The following CHLSN variants were observed in gnomAD, a reference collection of about 807,000 sequenced individuals.
CHLSN encodes the protein cholesin.
the CHLSN span, among the ~76,000 whole-genome samples, chr7:1,035,205 G>A: frequency 4.6e-5 from 7 of 151,296 alleles, no homozygotes; most frequent in East Asian, 1.4e-3. Context: ...AACAGTGCTG[G>A]GCTGGTGTCA....
the CHLSN span, among the ~76,000 whole-genome samples, chr7:979,974 A>G: frequency 6.6e-6 from 1 of 152,220 alleles, no homozygotes; most frequent in Non-Finnish European, 1.5e-5. Flanking sequence ...CGTCCCGTGA[A>G]ACTCCACTGG....
At chr7:1,033,620 G>A in the CHLSN span, among the ~76,000 whole-genome samples, 2 of 151,996 alleles carry the variant, frequency 1.3e-5, no homozygotes, top group Admixed American at 6.6e-5. Flanking sequence ...GAAGAAATAC[G>A]ACGTGGTCAA....
chr7:1,070,371 C>T, the CHLSN span, among the ~76,000 whole-genome samples: 5 of 128,688 alleles, frequency 3.9e-5, 1 homozygote, highest in South Asian at 2.6e-4. Context: ...GTCAGCCCCC[C>T]GCCCGGCCAG....
the CHLSN span, chr7:1,056,112 T>C: frequency 6.5e-6 from 1 of 153,562 alleles, no homozygotes; most frequent in Non-Finnish European, 1.4e-5. Flanking sequence ...AGGTGCATCC[T>C]GTCTGGAGCT....
the CHLSN span, among the ~76,000 whole-genome samples, chr7:1,079,373 T>G: frequency 6.6e-6 from 1 of 152,196 alleles, no homozygotes; most frequent in African/African-American, 2.4e-5. Flanking sequence ...CAAAAGCTTA[T>G]GCTGCTTTTG....
the CHLSN span, among the ~76,000 whole-genome samples, chr7:1,004,743 GACAGTTCACAGGAT>G: frequency 2.6e-5 from 4 of 152,248 alleles, no homozygotes; most frequent in Non-Finnish European, 1.5e-5. Flanking sequence ...CGCAACTGCA[GACAGTTCACAGGAT>G]GCCTGACACA....
the CHLSN span, among the ~76,000 whole-genome samples, chr7:1,115,111 T>G: frequency 1.3e-5 from 2 of 152,246 alleles, no homozygotes; most frequent in African/African-American, 2.4e-5. Flanking sequence ...AAGTCTCTAC[T>G]TGCTTAAAAA....
the CHLSN span, among the ~76,000 whole-genome samples, chr7:1,048,217 C>G: frequency 6.6e-6 from 1 of 152,154 alleles, no homozygotes; most frequent in Non-Finnish European, 1.5e-5. Context: ...AGAGAGCACC[C>G]GGAAACTTCG....
the CHLSN span, among the ~76,000 whole-genome samples, chr7:1,023,247 T>C: frequency 6.6e-6 from 1 of 152,156 alleles, no homozygotes; most frequent in Non-Finnish European, 1.5e-5. This position sits in a 1 kb window ranked among gnomAD's most constrained non-coding sequence, Gnocchi z 5.0. Context: ...CGACACGGGC[T>C]GAGCGCAAGT....
At chr7:1,074,223 C>T in the CHLSN span, among the ~76,000 whole-genome samples, 2 of 60,106 alleles carry the variant, frequency 3.3e-5, no homozygotes, top group Non-Finnish European at 6.8e-5. Context: ...GACCCCGCAC[C>T]CCGCCGCCGT....
At chr7:1,032,233 G>A in the CHLSN span, among the ~76,000 whole-genome samples, 5 of 152,180 alleles carry the variant, frequency 3.3e-5, no homozygotes, top group African/African-American at 1.2e-4. Context: ...CACTCGGCCC[G>A]CCTGAAAATA....
chr7:1,102,470 G>A, the CHLSN span, among the ~76,000 whole-genome samples: 2 of 152,364 alleles, frequency 1.3e-5, no homozygotes, highest in African/African-American at 4.8e-5. Context: ...CCACGCTGGC[G>A]TTCAACACCA....
the CHLSN span, among the ~76,000 whole-genome samples, chr7:1,136,968 C>T: frequency 4.6e-5 from 7 of 152,262 alleles, no homozygotes; most frequent in Non-Finnish European, 8.8e-5. Context: ...CATAGGTACC[C>T]AGTCCAAGCC....
chr7:1,049,061 C>T, the CHLSN span, among the ~76,000 whole-genome samples: 1 of 152,244 alleles, frequency 6.6e-6, no homozygotes. Flanking sequence ...GTGCGCTCCC[C>T]AGGCCTCCGC....
At chr7:1,103,484 C>G in the CHLSN span, among the ~76,000 whole-genome samples, 2 of 152,234 alleles carry the variant, frequency 1.3e-5, no homozygotes, top group South Asian at 2.1e-4. Context: ...AGGAGGCTGT[C>G]ACCACACGAA....
the CHLSN span, among the ~76,000 whole-genome samples, chr7:1,113,441 G>A: frequency 0.25 from 37,478 of 152,048 alleles, 5,001 homozygotes; most frequent in African/African-American, 0.31. Flanking sequence ...CCTGTTCGGA[G>A]CAGGTGTGCG....
chr7:1,085,784 G>C, the CHLSN span, among the ~76,000 whole-genome samples: 2 of 151,292 alleles, frequency 1.3e-5, no homozygotes, highest in Non-Finnish European at 2.9e-5. Context: ...AGTGAGCTGA[G>C]ATCAGGCCAC....
At chr7:1,030,766 A>T in the CHLSN span, among the ~76,000 whole-genome samples, 3 of 139,576 alleles carry the variant, frequency 2.1e-5, no homozygotes, top group African/African-American at 8.1e-5. Flanking sequence ...GCACGCGGGG[A>T]CTCTCTCTCT....
chr7:1,040,825 A>C, the CHLSN span, among the ~76,000 whole-genome samples: 1 of 152,248 alleles, frequency 6.6e-6, no homozygotes. Flanking sequence ...CCACACATAC[A>C]CAAAAGCCTA....
Sources: gnomAD v4.1 joint callset for allele counts (sites outside exome capture counted in the v4.1 genomes callset) on GRCh38, gnomAD v4.1.1 for gene constraint, Gnocchi (gnomAD v3.1) non-coding constraint, MANE v1.5 for transcripts, NCBI Gene and HGNC (gene_info 2026-07-23, HGNC 2026-07-21) for gene names.